The following SSBP3 variants were observed in gnomAD, a reference collection of about 807,000 sequenced individuals.
SSBP3 encodes the protein single stranded DNA binding protein 3, also known as single-stranded DNA-binding protein 3.
In SSBP3, 5 loss-of-function variants were observed where a neutral mutation model predicts 69.6. The ratio of observed to expected loss-of-function variants is 0.07; its 90% CI spans 0.04 to 0.15. The LOEUF (loss-of-function observed/expected upper bound fraction) is 0.15, where lower values mean the gene tolerates loss of function less well. Among genes scored for constraint, SSBP3 ranks in the 10% least tolerant of loss-of-function variants. The pLI, the probability that SSBP3 is intolerant of heterozygous loss-of-function variation, is 1.00. For synonymous variants in SSBP3, 196 were observed against 193.4 expected (o/e 1.01, Z -0.11); for missense variants, 312 against 534.0 (o/e 0.58, Z 4.10).
At chr1:54,266,412 A>T (rs1255532356) in intron 5 of SSBP3, among the ~76,000 whole-genome samples, 1 of 152,204 alleles carries the variant, frequency 6.6e-6, no homozygotes. Flanking sequence ...AGTGCAAATA[A>T]AGTTTTGTTG....
intron 4 of SSBP3, among the ~76,000 whole-genome samples, chr1:54,290,533 G>A (rs1263337136): frequency 6.6e-6 from 1 of 152,228 alleles, no homozygotes; most frequent in Non-Finnish European, 1.5e-5. Flanking sequence ...CACCTTAGGA[G>A]GAAGTGAATT....
At chr1:54,334,351 C>CAATAAATAAATAAATA (rs35538469) in intron 4 of SSBP3, among the ~76,000 whole-genome samples, 8 of 150,528 alleles carry the variant, frequency 5.3e-5, no homozygotes, top group African/African-American at 1.7e-4. Context: ...GACTCCCTCT[C>CAATAAATAAATAAATA]AATAAATAAA....
intron 4 of SSBP3, among the ~76,000 whole-genome samples, chr1:54,353,288 G>A (rs1320249184): frequency 1.3e-5 from 2 of 152,168 alleles, no homozygotes; most frequent in African/African-American, 2.4e-5. Flanking sequence ...GGCCCATTGC[G>A]AGGGGAAAAA....
chr1:54,294,520 CAAGG>C (rs1489685429), intron 4 of SSBP3, among the ~76,000 whole-genome samples: 3 of 152,136 alleles, frequency 2.0e-5, no homozygotes, highest in African/African-American at 4.8e-5. Context: ...TTTGTAGCTC[CAAGG>C]AAGGACAAAA....
chr1:54,335,392 A>AT (rs1251579532), intron 4 of SSBP3, among the ~76,000 whole-genome samples: 10 of 152,206 alleles, frequency 6.6e-5, no homozygotes, highest in Admixed American at 1.3e-4. Context: ...GCACTTGTGC[A>AT]TAAGTGTGCA....
intron 4 of SSBP3, among the ~76,000 whole-genome samples, chr1:54,369,797 G>GCTCAGAACAGAA (rs1553146826): frequency 1.1e-4 from 16 of 152,102 alleles, no homozygotes; most frequent in Non-Finnish European, 1.6e-4. Flanking sequence ...GTCTGAGAAC[G>GCTCAGAACAGAA]TGACCCTGTC....
At chr1:54,364,032 C>T (rs1184663611) in intron 4 of SSBP3, among the ~76,000 whole-genome samples, 1 of 152,178 alleles carries the variant, frequency 6.6e-6, no homozygotes, top group Non-Finnish European at 1.5e-5. Flanking sequence ...TACAGACTAG[C>T]CTAGTGTATG....
intron 7 of SSBP3, among the ~76,000 whole-genome samples, chr1:54,255,967 G>A (rs1440053825): frequency 6.6e-6 from 1 of 152,118 alleles, no homozygotes; most frequent in Non-Finnish European, 1.5e-5. Flanking sequence ...AGTTACTTGG[G>A]TGGCTGAGGC....
At chr1:54,316,053 A>T (rs1646091304) in intron 4 of SSBP3, among the ~76,000 whole-genome samples, 1 of 152,140 alleles carries the variant, frequency 6.6e-6, no homozygotes, top group South Asian at 2.1e-4. Flanking sequence ...CACTTCTGGG[A>T]ATTTATTCTA....
At chr1:54,353,671 C>G (rs568302111) in intron 4 of SSBP3, among the ~76,000 whole-genome samples, 1 of 152,290 alleles carries the variant, frequency 6.6e-6, no homozygotes, top group Admixed American at 6.5e-5. Context: ...AGGCTGCTCT[C>G]GAGGGCTGGC....
At chr1:54,239,850 G>A (rs969902721) in intron 13 of SSBP3, among the ~76,000 whole-genome samples, 1 of 152,160 alleles carries the variant, frequency 6.6e-6, no homozygotes, top group Non-Finnish European at 1.5e-5. Context: ...GCGGGGGAGA[G>A]TCCCCTCCAT....
intron 4 of SSBP3, among the ~76,000 whole-genome samples, chr1:54,295,984 T>G (rs759312698): frequency 6.6e-6 from 1 of 152,224 alleles, no homozygotes; most frequent in African/African-American, 2.4e-5. Context: ...GCAGGACTGT[T>G]GGTTCCAAAA....
chr1:54,235,137 T>C (rs986506264), intron 14 of SSBP3, among the ~76,000 whole-genome samples: 4 of 152,158 alleles, frequency 2.6e-5, no homozygotes, highest in African/African-American at 9.7e-5. Context: ...TTGGGACTTG[T>C]AGGAATTCAC....
At chr1:54,319,043 A>G (rs3927580) in intron 4 of SSBP3, among the ~76,000 whole-genome samples, 45,016 of 151,966 alleles carry the variant, frequency 0.3, 7,396 homozygotes, top group African/African-American at 0.43. Flanking sequence ...GGCTGTCCAC[A>G]CCACACCAGC....
exon 18 of SSBP3, chr1:54,225,520 CTT>C (rs769507319): frequency 3.3e-4 from 324 of 980,084 alleles, no homozygotes; most frequent in Non-Finnish European, 3.5e-4. Context: ...TTTTTCCTCT[CTT>C]AATTCAGAAC....
chr1:54,331,792 T>TGCC (rs1646415390), intron 4 of SSBP3, among the ~76,000 whole-genome samples: 1 of 152,132 alleles, frequency 6.6e-6, no homozygotes, highest in Non-Finnish European at 1.5e-5. Context: ...AGGAGGGTGG[T>TGCC]GCCTTGCCCC....
chr1:54,366,339 A>G (rs1647029777), intron 4 of SSBP3, among the ~76,000 whole-genome samples: 1 of 152,174 alleles, frequency 6.6e-6, no homozygotes, highest in Admixed American at 6.5e-5. Flanking sequence ...TGCACCATAT[A>G]CTGGGCCATT....
intron 4 of SSBP3, among the ~76,000 whole-genome samples, chr1:54,350,276 C>G (rs567304508): frequency 2.0e-4 from 30 of 152,324 alleles, no homozygotes; most frequent in Non-Finnish European, 4.4e-4. Context: ...AATAGTGCCT[C>G]CCAACAGGGT....
intron 5 of SSBP3, among the ~76,000 whole-genome samples, chr1:54,280,737 G>GGGAGGC (rs1380594055): frequency 6.6e-6 from 1 of 152,192 alleles, no homozygotes; most frequent in Admixed American, 6.5e-5. Context: ...GGCGCAGAGA[G>GGGAGGC]GGTGGCAGCC....
Sources: allele counts gnomAD v4.1 joint callset (sites outside exome capture counted in the v4.1 genomes callset), GRCh38; gene constraint gnomAD v4.1.1; transcripts MANE v1.5; gene names NCBI Gene and HGNC (gene_info 2026-07-23, HGNC 2026-07-21).